TRHDE: variants seen among roughly 807,000 people sequenced by gnomAD.
TRHDE encodes thyrotropin-releasing hormone-degrading ectoenzyme.
Under a neutral mutation model 125.7 loss-of-function variants are expected in TRHDE, and 72 were observed. The ratio of observed to expected loss-of-function variants is 0.57; its 90% CI spans 0.47 to 0.70. The LOEUF (loss-of-function observed/expected upper bound fraction) is 0.70. Ranked by LOEUF, TRHDE falls within the 30% of genes least tolerant of loss-of-function variation. The pLI is 0.00. For synonymous variants in TRHDE, 509 were observed against 509.1 expected, an observed-to-expected ratio of 1.00 and a Z score of 0.00; for missense variants, 1,110 against 1,327.1, an observed-to-expected ratio of 0.84 and a Z score of 2.54.
intron 7 of TRHDE, among the ~76,000 whole-genome samples, chr12:72,556,595 A>C (rs1055216692): frequency 6.6e-6 from 1 of 152,208 alleles, no homozygotes; most frequent in Non-Finnish European, 1.5e-5. Flanking sequence ...GCTGCCAGGC[A>C]AAGTGGAGAG....
At chr12:72,228,519 A>G (rs898134248) in intron 2 of TRHDE, among the ~76,000 whole-genome samples, 2 of 152,208 alleles carry the variant, frequency 1.3e-5, no homozygotes, top group Non-Finnish European at 2.9e-5. Context: ...CCTGCTGTGA[A>G]GACCTCTGAT....
intron 2 of TRHDE, among the ~76,000 whole-genome samples, chr12:72,220,348 AG>A (rs1348800255): frequency 5.9e-5 from 9 of 152,288 alleles, no homozygotes; most frequent in African/African-American, 2.2e-4. Flanking sequence ...CATATAGTCT[AG>A]GCTTGCAGCT....
At chr12:72,350,212 A>G (rs1015916761) in intron 2 of TRHDE, among the ~76,000 whole-genome samples, 17 of 151,988 alleles carry the variant, frequency 1.1e-4, no homozygotes, top group Non-Finnish European at 2.4e-4. Context: ...GATGTATTCA[A>G]TCTTGTACCT....
chr12:72,519,100 T>C (rs2135959528), intron 6 of TRHDE, among the ~76,000 whole-genome samples: 2 of 152,282 alleles, frequency 1.3e-5, no homozygotes, highest in Non-Finnish European at 1.5e-5. Flanking sequence ...ATTTCAACTT[T>C]GGTGAATCTG....
chr12:72,469,571 G>A lies in TRHDE; in HGVS notation c.1316-187G>A, dbSNP rs1308756635. Among the ~76,000 whole-genome samples the A allele has an allele frequency of 2.6e-5, 4 of 152,144 alleles. 1 individual carries two copies. The highest frequency in any genetic ancestry group is 9.7e-5 in the African/African-American group (4 of 41,428). The stretch of plus-strand genomic sequence containing the variant: ...GAACTGTGATGAATGGATATGACCA[G>A]CATTTGCAGTGATAGCCTATATTTC... On this transcript the variant is annotated intron_variant, in intron 3 of 18. Transcript: ENST00000261180.
intron 15 of TRHDE, among the ~76,000 whole-genome samples, chr12:72,652,099 A>G (rs1359787310): frequency 6.6e-6 from 1 of 152,006 alleles, no homozygotes; most frequent in African/African-American, 2.4e-5. Flanking sequence ...GGAAATAATA[A>G]TTATGTTCAA....
At chr12:72,358,308 C>T (rs1007381572) in intron 2 of TRHDE, among the ~76,000 whole-genome samples, 3 of 151,520 alleles carry the variant, frequency 2.0e-5, no homozygotes, top group African/African-American at 7.3e-5. Context: ...TCTTCTCCTC[C>T]TCAGTTTACT....
rs1280653117 is a variant in TRHDE, at chr12:72,272,693, A to G, written c.50A>G (p.Lys17Arg). Residue 17 changes from lysine (K) to arginine (R), a missense_variant, in exon 1 of 19, where the codon AAG becomes AGG. Physicochemically the swap from Lys to Arg is conservative, Grantham distance 26. Coordinates refer to ENST00000261180, the MANE Select transcript of TRHDE (RefSeq NM_013381.3). The surrounding 1 kb of genome is among the most constrained non-coding windows in gnomAD (Gnocchi z 6.7). ...LGEQEEEKKK[K>R]KKKKRKKKKE... ...GAGCAAGAGGAGGAGAAGAAAAAGA[A>G]GAAGAAAAAGAAGAGGAAGAAGAAG... 17 of 1,366,936 alleles carry G rather than the reference A, an allele frequency of 1.2e-5. No individual in the cohort carries two copies. In the East Asian group the frequency reaches 1.6e-4, roughly 13 times the overall value. 84.7% of individuals were successfully genotyped at this position (1,366,936 alleles called of 1,614,324 possible).
intron 3 of TRHDE, among the ~76,000 whole-genome samples, chr12:72,397,175 A>G (rs1872829402): frequency 1.3e-5 from 2 of 152,204 alleles, no homozygotes; most frequent in South Asian, 4.1e-4. Context: ...GTAAAACAGA[A>G]TCAGAGTCAT....
intron 2 of TRHDE, among the ~76,000 whole-genome samples, chr12:72,239,988 AT>A (rs1243238414): frequency 1.3e-5 from 2 of 152,080 alleles, no homozygotes; most frequent in African/African-American, 2.4e-5. Context: ...TAGGCATAGA[AT>A]TTTTGTATAG....
At chr12:72,318,425 T>C in intron 2 of TRHDE, among the ~76,000 whole-genome samples, 1 of 152,196 alleles carries the variant, frequency 6.6e-6, no homozygotes, top group East Asian at 1.9e-4. Flanking sequence ...GCGATATTTT[T>C]GTGATTTGCA....
chr12:72,147,960 A>G (rs960087863), intron 2 of TRHDE: 1 of 152,260 alleles, frequency 6.6e-6, no homozygotes, highest in African/African-American at 2.4e-5. Context: ...AGTTCCTGGT[A>G]TAGTGACTTA....
chr12:72,273,395 C>T lies in TRHDE; in HGVS notation c.752C>T (p.Ala251Val), dbSNP rs1220193669. The T allele has an allele frequency of 6.2e-7, 1 of 1,614,008 alleles. No individual in the cohort carries two copies. The highest frequency in any genetic ancestry group is 1.3e-5 in the African/African-American group (1 of 74,904). ...EDRAFGAVPVAGFFLYPQTQV... is the reference protein window; with the variant it reads ...EDRAFGAVPVVGFFLYPQTQV... ...CGGGCGTTCGGGGCTGTCCCTGTAG[C>T]CGGTTTTTTCCTCTACCCGCAAACC... Residue 251 changes from alanine (A) to valine (V), a missense_variant, in exon 1 of 19, where the codon GCC becomes GTC. Transcript: ENST00000261180. The surrounding 1 kb of genome is among the most constrained non-coding windows in gnomAD (Gnocchi z 5.3).
chr12:72,473,299 A>G, intron 5 of TRHDE, 119 bp downstream of exon 5: 1 of 672,962 alleles, frequency 1.5e-6, no homozygotes, highest in Non-Finnish European at 2.5e-6. Context: ...ATGTATCAAT[A>G]AAGTGTAACC....
At chr12:72,624,890 A>G (rs1194656819) in intron 15 of TRHDE, among the ~76,000 whole-genome samples, 1 of 151,856 alleles carries the variant, frequency 6.6e-6, no homozygotes, top group Admixed American at 6.6e-5. Flanking sequence ...TCTTGAAAAC[A>G]TGAGCTGTGA....
intron 10 of TRHDE, among the ~76,000 whole-genome samples, chr12:72,574,706 T>C (rs1329842104): frequency 6.6e-6 from 1 of 152,154 alleles, no homozygotes; most frequent in East Asian, 1.9e-4. Context: ...TATGGAAATA[T>C]TAAAATCTTG....
chr12:72,202,790 T>C (rs1023999975), intron 2 of TRHDE, among the ~76,000 whole-genome samples: 1 of 152,176 alleles, frequency 6.6e-6, no homozygotes, highest in African/African-American at 2.4e-5. Context: ...GTATGTCCAT[T>C]AGGTTAGACA....
chr12:72,272,628 A>G lies in TRHDE; in HGVS notation c.-16A>G. On this transcript the variant is annotated 5_prime_UTR_variant, in exon 1 of 19. Coordinates refer to ENST00000261180, the MANE Select transcript of TRHDE (RefSeq NM_013381.3). This position sits in a 1 kb window ranked among gnomAD's most constrained non-coding sequence, Gnocchi z 6.7. ...GGGGTGCCAGAGGGGGCGGGGGAGG[A>G]GGAGGAGGCGGTGTGATGGCCCTGG... 1.1e-6 allele frequency: 1 copy of G among 904,436 alleles called. No homozygotes were observed. Among genetic ancestry groups the G allele is most frequent in the Non-Finnish European group, 1.6e-6 (1 of 630,882 alleles). 56.0% of individuals were successfully genotyped at this position (904,436 alleles called of 1,614,324 possible).
intron 1 of TRHDE, among the ~76,000 whole-genome samples, chr12:72,277,238 T>C (rs1274360167): frequency 6.6e-6 from 1 of 152,164 alleles, no homozygotes; most frequent in Non-Finnish European, 1.5e-5. Flanking sequence ...ATTGGGACCA[T>C]CCTTTTGCAA....
Sources: gnomAD v4.1 joint callset for allele counts (sites outside exome capture counted in the v4.1 genomes callset) on GRCh38, gnomAD v4.1.1 for gene constraint, Gnocchi (gnomAD v3.1) non-coding constraint, MANE v1.5 for transcripts, NCBI Gene and HGNC (gene_info 2026-07-23, HGNC 2026-07-21) for gene names.